OCA2: variants seen among roughly 807,000 people sequenced by gnomAD.
OCA2 encodes P protein.
A neutral mutation model predicts 100.2 loss-of-function variants in OCA2; 77 were observed. The ratio of observed to expected loss-of-function variants is 0.77; its 90% CI spans 0.64 to 0.93. OCA2 has a LOEUF of 0.93. OCA2 is among the 40% of genes least tolerant of loss of function. The pLI, the probability that OCA2 is intolerant of heterozygous loss-of-function variation, is 0.00. For missense variants in OCA2, 1,062 were observed against 1,089.1 expected (o/e 0.98, Z 0.35); for synonymous variants, 432 against 439.2 (o/e 0.98, Z 0.21).
At chr15:27,975,184 G>C (rs2040926832) in intron 14 of OCA2, among the ~76,000 whole-genome samples, 1 of 152,184 alleles carries the variant, frequency 6.6e-6, no homozygotes, top group South Asian at 2.1e-4. Context: ...TTCAGATTGT[G>C]TGTAAGAAAT....
At chr15:28,021,268 A>G (rs1257755810) in intron 6 of OCA2, among the ~76,000 whole-genome samples, 1 of 152,140 alleles carries the variant, frequency 6.6e-6, no homozygotes, top group Non-Finnish European at 1.5e-5. Context: ...GACCATGTCC[A>G]TTCCAAAATA....
At chr15:27,935,966 T>A (rs1286718087) in intron 18 of OCA2, among the ~76,000 whole-genome samples, 1 of 152,166 alleles carries the variant, frequency 6.6e-6, no homozygotes, top group Non-Finnish European at 1.5e-5. Context: ...TCTCAACAGT[T>A]ACTCATCTCA....
intron 6 of OCA2, among the ~76,000 whole-genome samples, chr15:28,020,224 T>C (rs1347573343): frequency 6.6e-6 from 1 of 151,496 alleles, no homozygotes; most frequent in Non-Finnish European, 1.5e-5. Flanking sequence ...GCACTCAGGC[T>C]GCTCGAGAAG....
At chr15:27,776,433 T>C (rs1293234056) in intron 23 of OCA2, 1 of 152,236 alleles carries the variant, frequency 6.6e-6, no homozygotes, top group African/African-American at 2.4e-5. Context: ...TATTAATTAT[T>C]TTCCCCTGCT....
chr15:28,026,593 G>A (rs977271839), intron 4 of OCA2, among the ~76,000 whole-genome samples: 1 of 152,162 alleles, frequency 6.6e-6, no homozygotes, highest in Non-Finnish European at 1.5e-5. Context: ...ATCTAGGGTC[G>A]AATCCCTGCC....
intron 7 of OCA2, among the ~76,000 whole-genome samples, chr15:28,018,035 G>A (rs1434306417): frequency 6.6e-6 from 1 of 151,822 alleles, no homozygotes. Context: ...CAGTAACCGT[G>A]CTGTGGAAGT....
chr15:27,737,736 C>G, the OCA2 span, among the ~76,000 whole-genome samples: 1 of 152,284 alleles, frequency 6.6e-6, no homozygotes, highest in East Asian at 1.9e-4. Context: ...AAGAAAGATT[C>G]ATAAATTGGA....
At chr15:27,812,946 C>T (rs2034137694) in intron 23 of OCA2, among the ~76,000 whole-genome samples, 1 of 152,154 alleles carries the variant, frequency 6.6e-6, no homozygotes, top group Non-Finnish European at 1.5e-5. Flanking sequence ...TCCCCACTTC[C>T]CCACATGCCC....
intron 14 of OCA2, among the ~76,000 whole-genome samples, chr15:27,981,246 T>C (rs2041150888): frequency 6.6e-6 from 1 of 152,252 alleles, no homozygotes; most frequent in Non-Finnish European, 1.5e-5. Context: ...AACACCATTA[T>C]AATAACACTT....
chr15:28,035,017 T>C (rs1457472485), intron 2 of OCA2, among the ~76,000 whole-genome samples: 1 of 152,144 alleles, frequency 6.6e-6, no homozygotes, highest in Non-Finnish European at 1.5e-5. Context: ...TTGGAAAGCA[T>C]GACCCATGGG....
chr15:27,754,698 C>T (rs1285629443), downstream of OCA2, among the ~76,000 whole-genome samples: 1 of 152,184 alleles, frequency 6.6e-6, no homozygotes, highest in African/African-American at 2.4e-5. Flanking sequence ...GCATGCACCA[C>T]TTGCAAAATG....
At chr15:27,780,826 T>A (rs1394588875) in intron 23 of OCA2, among the ~76,000 whole-genome samples, 5 of 152,172 alleles carry the variant, frequency 3.3e-5, no homozygotes, top group Admixed American at 3.3e-4. Context: ...TAGGAAATTA[T>A]CAACCATCAA....
chr15:27,900,695 A>G (rs2037894119), intron 19 of OCA2, among the ~76,000 whole-genome samples: 1 of 152,216 alleles, frequency 6.6e-6, no homozygotes, highest in Admixed American at 6.5e-5. Flanking sequence ...TCTACTGTCC[A>G]AGATAACTGC....
At chr15:27,989,278 A>G (rs574879246) in intron 11 of OCA2, among the ~76,000 whole-genome samples, 29 of 152,208 alleles carry the variant, frequency 1.9e-4, no homozygotes, top group African/African-American at 7.0e-4. Context: ...TCTCTCTCCC[A>G]CTGAAACTCC....
chr15:27,908,546 C>T (rs2038265434), intron 19 of OCA2, among the ~76,000 whole-genome samples: 1 of 152,164 alleles, frequency 6.6e-6, no homozygotes, highest in Non-Finnish European at 1.5e-5. Flanking sequence ...AGTCAGCATG[C>T]AGTTGCACAC....
intron 3 of OCA2, among the ~76,000 whole-genome samples, 188 bp downstream of exon 3, chr15:28,031,877 G>A (rs1462011785): frequency 6.6e-6 from 1 of 152,146 alleles, no homozygotes; most frequent in East Asian, 1.9e-4. Context: ...TATGCTCAAG[G>A]CCATCTGGAA....
chr15:27,859,829 C>T lies in OCA2; in HGVS notation c.2245-8354G>A, dbSNP rs150822167. On this transcript the variant is annotated intron_variant, in intron 21 of 23. Coordinates refer to ENST00000354638, the MANE Select transcript of OCA2 (RefSeq NM_000275.3). ...GCCATTGCCTCCACAAACATGACAT[C>T]GATGGAAAGACCCCAGGGCTTGGGA... Among the ~76,000 whole-genome samples the T allele has an allele frequency of 2.4e-3, 365 of 151,928 alleles. 2 individuals are homozygous for T. The highest frequency in any genetic ancestry group is 8.2e-3 in the African/African-American group (341 of 41,394).
chr15:27,951,743 A>G (rs754821898), intron 18 of OCA2, 41 bp downstream of exon 18: 8 of 1,367,090 alleles, frequency 5.9e-6, no homozygotes, highest in Non-Finnish European at 8.4e-6. Flanking sequence ...TCCCATCCAG[A>G]ATGTGACAAA....
intron 23 of OCA2, among the ~76,000 whole-genome samples, chr15:27,842,977 G>A (rs1275174243): frequency 2.0e-5 from 3 of 152,194 alleles, no homozygotes; most frequent in East Asian, 1.9e-4. Flanking sequence ...CTTTCAGTTG[G>A]GCAGATGCCC....
Sources: allele counts gnomAD v4.1 joint callset (sites outside exome capture counted in the v4.1 genomes callset), GRCh38; gene constraint gnomAD v4.1.1; transcripts MANE v1.5; gene names NCBI Gene and HGNC (gene_info 2026-07-23, HGNC 2026-07-21).